DAB1: variants seen among roughly 807,000 people sequenced by gnomAD.
DAB1 encodes the protein disabled homolog 1.
DAB1 carries 15 observed loss-of-function variants against 64.6 expected under a neutral mutation model. The ratio of observed to expected loss-of-function variants is 0.23; its 90% CI spans 0.16 to 0.36. DAB1 has a LOEUF of 0.36. DAB1 is among the 10% of genes least tolerant of loss of function. DAB1 has a pLI of 1.00. For missense variants in DAB1, 596 were observed against 706.7 expected (o/e 0.84, Z 1.78); for synonymous variants, 235 against 251.9 (o/e 0.93, Z 0.64).
upstream of DAB1, among the ~76,000 whole-genome samples, chr1:57,428,780 C>T (rs1685383058): frequency 6.8e-6 from 1 of 146,624 alleles, no homozygotes; most frequent in Middle Eastern, 3.8e-3. Context: ...GTCCCACCAA[C>T]AGCGTACAAA....
intron 1 of DAB1, among the ~76,000 whole-genome samples, chr1:57,394,521 T>C (rs1302020682): frequency 1.3e-5 from 2 of 152,218 alleles, no homozygotes; most frequent in East Asian, 1.9e-4. Context: ...ATGCACCACA[T>C]TCTTTTTGTT....
chr1:58,389,707 A>G (rs1456272403), intron 3 of DAB1, among the ~76,000 whole-genome samples: 1 of 152,186 alleles, frequency 6.6e-6, no homozygotes, highest in African/African-American at 2.4e-5. Flanking sequence ...GCACAGATTC[A>G]TTATTGTTGT....
At chr1:57,501,816 C>T (rs1453881161) in intron 7 of DAB1, among the ~76,000 whole-genome samples, 3 of 152,304 alleles carry the variant, frequency 2.0e-5, no homozygotes, top group Middle Eastern at 3.4e-3. Context: ...CCCCTGCCTA[C>T]TTTATTCCTT....
intron 7 of DAB1, among the ~76,000 whole-genome samples, chr1:57,545,362 C>A (rs1022263265): frequency 2.6e-5 from 4 of 152,220 alleles, no homozygotes; most frequent in African/African-American, 9.6e-5. Flanking sequence ...GTTTTATAAT[C>A]TGTGAGCTCA....
At chr1:58,224,305 T>A (rs527662288) in intron 4 of DAB1, among the ~76,000 whole-genome samples, 1 of 152,330 alleles carries the variant, frequency 6.6e-6, no homozygotes, top group East Asian at 1.9e-4. Flanking sequence ...AGCAGGTATT[T>A]AATAAGCAGT....
chr1:58,052,524 G>A (rs923727632), intron 5 of DAB1, among the ~76,000 whole-genome samples: 2 of 152,180 alleles, frequency 1.3e-5, no homozygotes, highest in African/African-American at 2.4e-5. Context: ...ACTTGGCAAT[G>A]CAGGCTCTTT....
intron 2 of DAB1, among the ~76,000 whole-genome samples, chr1:57,265,384 G>T (rs1276550459): frequency 6.6e-6 from 1 of 152,138 alleles, no homozygotes; most frequent in African/African-American, 2.4e-5. Context: ...TGACTACCCA[G>T]CCTAATGCGT....
chr1:57,369,274 C>T (rs1471864458), intron 1 of DAB1, among the ~76,000 whole-genome samples: 1 of 152,154 alleles, frequency 6.6e-6, no homozygotes, highest in African/African-American at 2.4e-5. Context: ...ACCCAATAAA[C>T]CATATAATGG....
intron 5 of DAB1, among the ~76,000 whole-genome samples, chr1:57,932,468 A>ATTTTTTTTTT (rs61202343): frequency 2.1e-5 from 3 of 143,504 alleles, no homozygotes; most frequent in Admixed American, 6.9e-5. Flanking sequence ...AGCCCAGCTA[A>ATTTTTTTTTT]TTTTTTTTTT....
chr1:57,775,842 T>C (rs143227773), intron 6 of DAB1, among the ~76,000 whole-genome samples: 197 of 151,816 alleles, frequency 1.3e-3, no homozygotes, highest in African/African-American at 4.6e-3. Context: ...ATTTTTCCTT[T>C]CAGTTCTTAT....
chr1:57,948,499 G>A (rs1645217010), intron 5 of DAB1, among the ~76,000 whole-genome samples: 4 of 152,188 alleles, frequency 2.6e-5, no homozygotes, highest in Admixed American at 2.0e-4. Flanking sequence ...TCAATATCCT[G>A]ATTTGGCTCT....
At chr1:58,150,080 A>G (rs1398527379) in intron 5 of DAB1, among the ~76,000 whole-genome samples, 1 of 152,240 alleles carries the variant, frequency 6.6e-6, no homozygotes, top group Non-Finnish European at 1.5e-5. Flanking sequence ...ATCATCTCTA[A>G]GACTTACAAA....
At chr1:57,712,884 G>C (rs1237718167) in intron 6 of DAB1, among the ~76,000 whole-genome samples, 5 of 152,166 alleles carry the variant, frequency 3.3e-5, no homozygotes, top group African/African-American at 4.8e-5. Context: ...ACCACAATGT[G>C]AGTATTTTCA....
intron 7 of DAB1, among the ~76,000 whole-genome samples, chr1:57,510,406 T>C (rs754366249): frequency 2.0e-5 from 3 of 152,180 alleles, no homozygotes; most frequent in Non-Finnish European, 2.9e-5. Flanking sequence ...CTCCTCTTCT[T>C]TGGAACCCTT....
At chr1:57,588,142 A>G (rs778264369) in intron 7 of DAB1, among the ~76,000 whole-genome samples, 1 of 152,232 alleles carries the variant, frequency 6.6e-6, no homozygotes, top group Non-Finnish European at 1.5e-5. Flanking sequence ...TACACACACA[A>G]GAAACATTCA....
chr1:57,461,324 G>A (rs996984881), intron 7 of DAB1, among the ~76,000 whole-genome samples: 13 of 152,128 alleles, frequency 8.5e-5, no homozygotes, highest in African/African-American at 2.4e-4. Context: ...GTGATGCTCC[G>A]TTTTAATGCT....
chr1:58,178,119 T>C (rs1656587632), intron 4 of DAB1, among the ~76,000 whole-genome samples: 1 of 152,130 alleles, frequency 6.6e-6, no homozygotes, highest in South Asian at 2.1e-4. Flanking sequence ...AACTGTTATT[T>C]CCAAAATCAC....
intron 2 of DAB1, among the ~76,000 whole-genome samples, chr1:57,201,033 G>T (rs1480854193): frequency 6.6e-6 from 1 of 152,132 alleles, no homozygotes; most frequent in African/African-American, 2.4e-5. Flanking sequence ...GAACCATTGG[G>T]CTTGATGCAT....
At position 58,525,153 on chromosome 1, in the gene DAB1, T is replaced by TA. The variant is rs1479774132; in HGVS notation, n.107+2107dup. Among the ~76,000 whole-genome samples the TA allele has an allele frequency of 3.9e-5, 6 of 152,302 alleles. No homozygotes were observed. In the South Asian group the frequency reaches 1.0e-3, roughly 26 times the overall value. On this transcript the variant is annotated intron_variant and non_coding_transcript_variant, in intron 2 of 20. Transcript: ENST00000485760. Reference sequence around the variant, plus strand: ...TTCATAACCGATTTGTGTTTTATGGTAAAAAATTATAAAAGACTAATATCT... The same window carrying TA: ...TTCATAACCGATTTGTGTTTTATGGTAAAAAAATTATAAAAGACTAATATCT...
Sources: gnomAD v4.1 joint callset for allele counts (sites outside exome capture counted in the v4.1 genomes callset) on GRCh38, gnomAD v4.1.1 for gene constraint, MANE v1.5 for transcripts, NCBI Gene and HGNC (gene_info 2026-07-23, HGNC 2026-07-21) for gene names.